TRIQK: variants seen among roughly 807,000 people sequenced by gnomAD.
TRIQK encodes the protein triple QxxK/R motif containing.
TRIQK carries 10 observed loss-of-function variants against 10.8 expected under a neutral mutation model. The observed-to-expected ratio is 0.92, with a 90% CI of 0.57 to 1.57. TRIQK has a LOEUF of 1.57. TRIQK is among the 40% of genes most tolerant of loss of function. TRIQK has a pLI of 0.00. For synonymous variants in TRIQK, 33 were observed against 33.7 expected (o/e 0.98, Z 0.07); for missense variants, 107 against 97.7 (o/e 1.09, Z -0.40).
upstream of TRIQK, among the ~76,000 whole-genome samples, chr8:92,967,821 CAA>C (rs34531122): frequency 4.5e-4 from 37 of 82,340 alleles, no homozygotes; most frequent in Admixed American, 4.6e-3. Context: ...GACTCCATCT[CAA>C]AAAAAAAAAA....
At chr8:92,948,410 A>C (rs1280106253) in intron 2 of TRIQK, among the ~76,000 whole-genome samples, 1 of 152,200 alleles carries the variant, frequency 6.6e-6, no homozygotes, top group Non-Finnish European at 1.5e-5. Flanking sequence ...ATTTTACAGC[A>C]ATCAATATTT....
chr8:92,947,321 G>A (rs1050349318), intron 2 of TRIQK, among the ~76,000 whole-genome samples: 26 of 150,834 alleles, frequency 1.7e-4, no homozygotes, highest in Non-Finnish European at 3.5e-4. Context: ...GGTGGCTCAC[G>A]CCTGTAATCC....
chr8:92,958,852 T>C (rs1812304750), intron 1 of TRIQK, among the ~76,000 whole-genome samples: 2 of 152,178 alleles, frequency 1.3e-5, no homozygotes, highest in Admixed American at 6.6e-5. Flanking sequence ...GATTTTAGTG[T>C]GCTGAGATGC....
intron 2 of TRIQK, among the ~76,000 whole-genome samples, chr8:92,924,526 T>G (rs375279149): frequency 6.6e-6 from 1 of 152,114 alleles, no homozygotes; most frequent in East Asian, 1.9e-4. Flanking sequence ...GTGAAACCTA[T>G]ATATTGTAAT....
chr8:92,930,539 T>C (rs1478441244), intron 2 of TRIQK, among the ~76,000 whole-genome samples: 2 of 151,952 alleles, frequency 1.3e-5, no homozygotes, highest in Admixed American at 1.3e-4. Context: ...ACAATTATGA[T>C]GTAAAGCCAG....
intron 1 of TRIQK, among the ~76,000 whole-genome samples, chr8:92,958,211 A>G (rs1288460394): frequency 6.6e-6 from 1 of 151,858 alleles, no homozygotes; most frequent in East Asian, 1.9e-4. Context: ...AATCACAAGA[A>G]CCCATTGACA....
At chr8:92,949,615 G>C (rs764091717) in intron 2 of TRIQK, among the ~76,000 whole-genome samples, 33 of 139,264 alleles carry the variant, frequency 2.4e-4, no homozygotes, top group Non-Finnish European at 4.6e-4. Flanking sequence ...GAGAAAGGAA[G>C]GGAGGGAGGG....
chr8:92,901,023 G>A (rs1040842038), intron 3 of TRIQK, among the ~76,000 whole-genome samples: 4 of 151,348 alleles, frequency 2.6e-5, no homozygotes, highest in African/African-American at 9.7e-5. Flanking sequence ...TTACTTTCTT[G>A]ATTTTTTTTC....
Position 92,993,564 on chromosome 8 carries a change from T to C in TRIQK, c.-181+24045A>G, listed in dbSNP as rs538218504. ...AAAACACCCAGATACGCTGCTCATT[T>C]TCAGTGCTTAGTGAGCACAACTTTC... On this transcript the variant is annotated intron_variant, in intron 1 of 4. Transcript: ENST00000520686. 3.6e-4 allele frequency among the ~76,000 whole-genome samples: 55 copies of C among 152,328 alleles called. 1 individual carries two copies. Among genetic ancestry groups the C allele is most frequent in the African/African-American group, 9.4e-4 (39 of 41,590 alleles).
intron 1 of TRIQK, among the ~76,000 whole-genome samples, chr8:92,994,935 A>G (rs1813137714): frequency 6.6e-6 from 1 of 151,836 alleles, no homozygotes; most frequent in Non-Finnish European, 1.5e-5. Flanking sequence ...CTTAAAAAAA[A>G]ACTGTATTTA....
chr8:92,918,982 G>A (rs924649441), intron 2 of TRIQK, among the ~76,000 whole-genome samples: 2 of 151,706 alleles, frequency 1.3e-5, no homozygotes, highest in East Asian at 1.9e-4. Context: ...AGAGACAATC[G>A]TTTCCCACAT....
chr8:92,918,447 C>T (rs1323116255), intron 2 of TRIQK, among the ~76,000 whole-genome samples: 2 of 151,952 alleles, frequency 1.3e-5, no homozygotes, highest in East Asian at 1.9e-4. Context: ...TCTCACTGTG[C>T]TTTCAATTTG....
Position 92,938,512 on chromosome 8 carries a change from CT to C in TRIQK, c.-22+15893del, listed in dbSNP as rs570624279. ...ATTATACTGGTCAGACTTCTCTGAG[CT>C]TCTTAGATGTATCGTTTTGTAATTT... On this transcript the variant is annotated intron_variant, in intron 2 of 4. Transcript: ENST00000521988. Among the ~76,000 whole-genome samples, 1,185 of 152,152 alleles carry C rather than the reference CT, an allele frequency of 7.8e-3. 9 individuals are homozygous for C. The highest frequency in any genetic ancestry group is 0.022 in the South Asian group (108 of 4,826).
intron 2 of TRIQK, among the ~76,000 whole-genome samples, chr8:92,947,303 C>T (rs1006373274): frequency 1.1e-4 from 16 of 151,404 alleles, no homozygotes; most frequent in Middle Eastern, 3.4e-3. Context: ...TCTTTCGTGG[C>T]CGGGCGCGGT....
At position 92,886,640 on chromosome 8, in the gene TRIQK, C is replaced by T. The variant is rs1174823483; in HGVS notation, c.243G>A (p.Leu81=). 6.6e-7 allele frequency: 1 copy of T among 1,523,776 alleles called. No homozygotes were observed. The highest frequency in any genetic ancestry group is 2.0e-5 in the Admixed American group (1 of 50,010). The allele number at this position is 1,523,776 out of a possible 1,614,324, so 94.4% of individuals were successfully genotyped here. A position where few individuals can be genotyped will look rare whatever the true frequency, so the allele number is the denominator to read the frequency against. ...LRLTTDVDPD[L]DQDED is the part of the protein sequence containing the mutation. ...TGCTTAGCTAATCTTCATCTTGGTC[C>T]AGATCAGGGTCAACATCCGTGGTGA... The change falls in exon 5 of 5, where the codon CTG becomes CTA. Residue 81 remains leucine, a synonymous_variant. Transcript: ENST00000521988.
At chr8:92,974,914 A>G (rs1247828691) in intron 1 of TRIQK, among the ~76,000 whole-genome samples, 1 of 152,242 alleles carries the variant, frequency 6.6e-6, no homozygotes, top group African/African-American at 2.4e-5. Context: ...AAAAGAAGAA[A>G]GAAGACAGAA....
At chr8:92,899,156 G>A (rs1288122543) in intron 3 of TRIQK, among the ~76,000 whole-genome samples, 1 of 151,196 alleles carries the variant, frequency 6.6e-6, no homozygotes, top group African/African-American at 2.4e-5. Flanking sequence ...GCTAATTTTT[G>A]TATTTTTAGT....
At chr8:92,948,347 G>A (rs747686493) in intron 2 of TRIQK, among the ~76,000 whole-genome samples, 9 of 152,068 alleles carry the variant, frequency 5.9e-5, no homozygotes, top group Non-Finnish European at 8.8e-5. Context: ...GAGAAATTTC[G>A]CCACAGTAAT....
chr8:93,017,110 GGAGAGAGAGA>G (rs3062508), intron 1 of TRIQK, among the ~76,000 whole-genome samples: 3,243 of 93,096 alleles, frequency 0.035, 121 homozygotes, highest in South Asian at 0.062. Context: ...ATATATACTT[GGAGAGAGAGA>G]GAGAGAGAGA....
Sources: gnomAD v4.1 joint callset for allele counts (sites outside exome capture counted in the v4.1 genomes callset) on GRCh38, gnomAD v4.1.1 for gene constraint, MANE v1.5 for transcripts, NCBI Gene and HGNC (gene_info 2026-07-23, HGNC 2026-07-21) for gene names.